WDR76: variants seen among roughly 807,000 people sequenced by gnomAD.
WDR76 encodes the protein WD repeat-containing protein 76.
WDR76 carries 52 observed loss-of-function variants against 70.2 expected under a neutral mutation model. The ratio of observed to expected loss-of-function variants is 0.74; its 90% CI spans 0.59 to 0.93. WDR76 has a LOEUF of 0.93. Among genes scored for constraint, WDR76 ranks in the 40% least tolerant of loss-of-function variants. The probability of loss-of-function intolerance (pLI) is 0.00; values close to 1 mark genes in which losing one functional copy is unlikely to be tolerated. For synonymous variants in WDR76, 292 were observed against 271.1 expected (o/e 1.08, Z -0.76); for missense variants, 756 against 760.2 (o/e 0.99, Z 0.07).
At chr15:43,845,345 A>G (rs1418841001) in intron 8 of WDR76, among the ~76,000 whole-genome samples, 2 of 150,170 alleles carry the variant, frequency 1.3e-5, no homozygotes, top group African/African-American at 4.8e-5. Context: ...ACTAATCCCT[A>G]TGGTATTAGG....
Position 43,868,113 on chromosome 15 carries a change from A to G in WDR76, c.*1721A>G, listed in dbSNP as rs1451400623. 2.6e-5 allele frequency: 4 copies of G among 152,222 alleles called. No individual in the cohort carries two copies. Among genetic ancestry groups the G allele is most frequent in the Admixed American group, 6.5e-5 (1 of 15,286 alleles). The allele number at this position is 152,222 out of a possible 1,614,324, so 9.4% of individuals were successfully genotyped here. On this transcript the variant is annotated 3_prime_UTR_variant, in exon 13 of 13. Coordinates refer to ENST00000263795, the MANE Select transcript of WDR76 (RefSeq NM_024908.4). The stretch of plus-strand genomic sequence containing the variant: ...AATAGTTCTCTATTTTCTAGTTGAT[A>G]TAAGTAGAAGAATTGACAAGTGAGA...
intron 2 of WDR76, among the ~76,000 whole-genome samples, chr15:43,832,408 A>T (rs1337928670): frequency 6.6e-6 from 1 of 150,530 alleles, no homozygotes; most frequent in Non-Finnish European, 1.5e-5. Context: ...TTGTGATAAC[A>T]TGCCGAGGCC....
At chr15:43,837,147 T>C (rs1018195420) in intron 4 of WDR76, among the ~76,000 whole-genome samples, 2 of 152,120 alleles carry the variant, frequency 1.3e-5, no homozygotes, top group Non-Finnish European at 2.9e-5. Flanking sequence ...TTTTGAATTA[T>C]CTCCATTGCA....
intron 10 of WDR76, among the ~76,000 whole-genome samples, chr15:43,857,971 T>TC (rs2087950209): frequency 6.8e-6 from 1 of 147,678 alleles, no homozygotes; most frequent in Non-Finnish European, 1.5e-5. Flanking sequence ...CTTTTTTTTT[T>TC]TTTTTTTTTT....
At chr15:43,843,454 C>G (rs2087750660) in intron 7 of WDR76, among the ~76,000 whole-genome samples, 1 of 151,916 alleles carries the variant, frequency 6.6e-6, no homozygotes. Context: ...GGTTGTTTTC[C>G]ATTTAGCTTT....
In WDR76 at chr15:43,867,265, T is replaced by G. The variant is rs1234436803; in HGVS notation, c.*873T>G. The G allele has an allele frequency of 6.6e-6, 1 of 152,100 alleles. No homozygotes were observed. The highest frequency in any genetic ancestry group is 1.5e-5 in the Non-Finnish European group (1 of 68,022). 9.4% of individuals were successfully genotyped at this position (152,100 alleles called of 1,614,324 possible). A position where few individuals can be genotyped will look rare whatever the true frequency, so the allele number is the denominator to read the frequency against. ...GGTCTGGGTCTGTCTGTACTTTGCC[T>G]TTACTCTAGATGGCTCCTGAGACAC... On this transcript the variant is annotated 3_prime_UTR_variant, in exon 13 of 13. Coordinates refer to ENST00000263795, the MANE Select transcript of WDR76 (RefSeq NM_024908.4).
intron 12 of WDR76, among the ~76,000 whole-genome samples, chr15:43,862,723 T>A (rs1480243833): frequency 6.6e-6 from 1 of 151,964 alleles, no homozygotes; most frequent in Non-Finnish European, 1.5e-5. Flanking sequence ...TTAGCCAGGA[T>A]GGTCTCCATC....
chr15:43,853,439 C>G (rs1418685135), intron 9 of WDR76, among the ~76,000 whole-genome samples: 1 of 152,124 alleles, frequency 6.6e-6, no homozygotes, highest in Non-Finnish European at 1.5e-5. Context: ...GATCTGCCCA[C>G]CTTGGCCTTC....
At chr15:43,838,920 G>A (rs2141730559) in intron 4 of WDR76, among the ~76,000 whole-genome samples, 1 of 152,168 alleles carries the variant, frequency 6.6e-6, no homozygotes, top group East Asian at 1.9e-4. Flanking sequence ...ACAGTTTTTA[G>A]TATATAGTAT....
Position 43,867,618 on chromosome 15 carries a change from G to T in WDR76, c.*1226G>T, listed in dbSNP as rs1328169949. 6.6e-6 allele frequency: 1 copy of T among 151,478 alleles called. No homozygotes were observed. The highest frequency in any genetic ancestry group is 1.5e-5 in the Non-Finnish European group (1 of 67,894). The allele number at this position is 151,478 out of a possible 1,614,324, so 9.4% of individuals were successfully genotyped here. A position where few individuals can be genotyped will look rare whatever the true frequency, so the allele number is the denominator to read the frequency against. ...ATGGGTAATGGATAAAGAAGTTAAA[G>T]CTACTGCTTAGAATGAAGAAGGCCC... On this transcript the variant is annotated 3_prime_UTR_variant, in exon 13 of 13. Transcript: ENST00000263795.
At chr15:43,833,459 C>T (rs963399122) in intron 2 of WDR76, among the ~76,000 whole-genome samples, 1 of 151,520 alleles carries the variant, frequency 6.6e-6, no homozygotes, top group Admixed American at 6.6e-5. Context: ...GCTGGGACTA[C>T]AGGCGCCCAC....
rs777587544 is a variant in WDR76, at chr15:43,856,919, T to A, written c.1192-27T>A. ...CTTTCTTTACAAGAAGAGTGTGATA[T>A]AAGCTGATTGTTACTTATATTCTTA... On this transcript the variant is annotated intron_variant, in intron 9 of 12. Coordinates refer to ENST00000263795, the MANE Select transcript of WDR76 (RefSeq NM_024908.4). 5.0e-6 allele frequency: 8 copies of A among 1,594,702 alleles called. No homozygotes were observed. In the African/African-American group the frequency reaches 8.1e-5, roughly 16 times the overall value.
At chr15:43,838,290 A>G (rs1424617157) in intron 4 of WDR76, among the ~76,000 whole-genome samples, 1 of 152,148 alleles carries the variant, frequency 6.6e-6, no homozygotes, top group East Asian at 1.9e-4. Flanking sequence ...GGTTCAAGCA[A>G]TTCTCATGCC....
chr15:43,836,781 C>G (rs1367279230), intron 4 of WDR76, among the ~76,000 whole-genome samples: 1 of 151,704 alleles, frequency 6.6e-6, no homozygotes, highest in East Asian at 1.9e-4. Context: ...CCTATAATCC[C>G]AGCACTTTGG....
intron 12 of WDR76, chr15:43,863,908 TGTA>T (rs1178714408): frequency 6.6e-6 from 1 of 152,202 alleles, no homozygotes; most frequent in Non-Finnish European, 1.5e-5. Flanking sequence ...ACTAGTCAAG[TGTA>T]GTAGTGAGAA....
At chr15:43,860,218 C>T (rs1307601917) in intron 11 of WDR76, among the ~76,000 whole-genome samples, 2 of 152,204 alleles carry the variant, frequency 1.3e-5, no homozygotes, top group African/African-American at 4.8e-5. Context: ...GCACTTCAGC[C>T]TGGGCATCAG....
At chr15:43,840,356 CAA>C (rs548307209) in intron 5 of WDR76, among the ~76,000 whole-genome samples, 2 of 151,390 alleles carry the variant, frequency 1.3e-5, no homozygotes, top group South Asian at 2.1e-4. Context: ...AAAAAAACCT[CAA>C]AGAGCTACTG....
rs749441053 is a variant in WDR76 at position 43,835,098 on chromosome 15, T to G, written c.500T>G (p.Leu167Arg). ...SGLSPYERKR[L>R]KNISENADFF... ...TTGTCACCCTACGAAAGGAAGAGACTGAAGAACATATCAGAAAACGCAGAC... is the reference window on the plus strand; with the variant it reads ...TTGTCACCCTACGAAAGGAAGAGACGGAAGAACATATCAGAAAACGCAGAC... The change falls in exon 3 of 13, where the codon CTG becomes CGG. Residue 167 changes from leucine (L) to arginine (R), a missense_variant. Transcript: ENST00000263795. The G allele has an allele frequency of 6.2e-7, 1 of 1,614,186 alleles. No individual in the cohort carries two copies. The highest frequency in any genetic ancestry group is 1.3e-5 in the African/African-American group (1 of 75,058).
chr15:43,845,802 T>A (rs1265279534), intron 8 of WDR76, among the ~76,000 whole-genome samples: 1 of 150,492 alleles, frequency 6.6e-6, no homozygotes, highest in Non-Finnish European at 1.5e-5. Context: ...TTCTCTGAAT[T>A]TATTTTCTTA....
Sources: gnomAD v4.1 joint callset for allele counts (sites outside exome capture counted in the v4.1 genomes callset) on GRCh38, gnomAD v4.1.1 for gene constraint, MANE v1.5 for transcripts, NCBI Gene and HGNC (gene_info 2026-07-23, HGNC 2026-07-21) for gene names.